The following SPTBN1 variants were observed in gnomAD, a reference collection of about 807,000 sequenced individuals.
SPTBN1 encodes spectrin beta chain, non-erythrocytic 1.
In SPTBN1, 32 loss-of-function variants were observed where a neutral mutation model predicts 266.4. The observed-to-expected ratio is 0.12, with a 90% CI of 0.09 to 0.16. SPTBN1 has a LOEUF of 0.16. Among genes scored for constraint, SPTBN1 ranks in the 10% least tolerant of loss-of-function variants. The pLI is 1.00. For missense variants in SPTBN1, 2,296 were observed against 3,067.1 expected (o/e 0.75, Z 5.94); for synonymous variants, 1,336 against 1,162.2 (o/e 1.15, Z -3.04).
chr2:54,620,288 A>T (rs949154678), intron 7 of SPTBN1, among the ~76,000 whole-genome samples: 5 of 152,236 alleles, frequency 3.3e-5, no homozygotes, highest in Admixed American at 1.3e-4. Flanking sequence ...CAAAGCCCCA[A>T]GGGAATAGAG....
Position 54,664,784 on chromosome 2 carries a change from T to C in SPTBN1, c.6659+93T>C, listed in dbSNP as rs1681269876. On this transcript the variant is annotated intron_variant, in intron 33 of 35. Transcript: ENST00000356805. This position sits in a 1 kb window ranked among gnomAD's most constrained non-coding sequence, Gnocchi z 5.6. The stretch of plus-strand genomic sequence containing the variant: ...CTTGAATTGGAAGAGAAGTATGTGC[T>C]CATGTAGTTTTATTCCTTTGGTAGC... 1.6e-6 allele frequency: 2 copies of C among 1,288,080 alleles called. No homozygotes were observed. The highest frequency in any genetic ancestry group is 2.2e-6 in the Non-Finnish European group (2 of 927,060). The allele number at this position is 1,288,080 out of a possible 1,614,324, so 79.8% of individuals were successfully genotyped here.
At chr2:54,586,395 T>G (rs772285298) in intron 2 of SPTBN1, among the ~76,000 whole-genome samples, 20 of 152,268 alleles carry the variant, frequency 1.3e-4, no homozygotes, top group Admixed American at 5.2e-4. Context: ...TATGTTCATT[T>G]ATTTTTAAAT....
rs957816510 is a variant in SPTBN1, at chr2:54,670,349, A to G, written c.*1780A>G. On this transcript the variant is annotated 3_prime_UTR_variant, in exon 36 of 36. Transcript: ENST00000356805. ...TATGTTGACTCCATGCCACTTGCAT[A>G]AAGCAGCAATGGATATTAGTATTAT... 4.9e-6 allele frequency: 1 copy of G among 203,314 alleles called. No individual in the cohort carries two copies. Among genetic ancestry groups the G allele is most frequent in the Admixed American group, 5.9e-5 (1 of 16,810 alleles). 12.6% of individuals were successfully genotyped at this position (203,314 alleles called of 1,614,324 possible).
chr2:54,507,872 A>G, intron 1 of SPTBN1, among the ~76,000 whole-genome samples: 1 of 151,890 alleles, frequency 6.6e-6, no homozygotes, highest in African/African-American at 2.4e-5. Context: ...AAAGCCAGCA[A>G]TTGTTTGTTA....
In SPTBN1 at chr2:54,554,087, T is replaced by G. The variant is rs969495909; in HGVS notation, c.148+27521T>G. On this transcript the variant is annotated intron_variant, in intron 2 of 35. Coordinates refer to ENST00000356805, the MANE Select transcript of SPTBN1 (RefSeq NM_003128.3). The surrounding 1 kb of genome is among the most constrained non-coding windows in gnomAD (Gnocchi z 4.5). ...AGCAGAGCATGTGCCTAATCCTGAC[T>G]CAAAACTAAATGTTGTAGAGGTTCG... Among the ~76,000 whole-genome samples, 3 of 152,212 alleles carry G rather than the reference T, an allele frequency of 2.0e-5. No homozygotes were observed. The East Asian group carries it at 5.8e-4, about 29-fold the overall frequency.
At chr2:54,486,745 A>G (rs1292816083) in intron 1 of SPTBN1, among the ~76,000 whole-genome samples, 2 of 152,036 alleles carry the variant, frequency 1.3e-5, no homozygotes, top group South Asian at 2.1e-4. Flanking sequence ...TTAAAAAAAA[A>G]AAAAGAAAAT....
chr2:54,626,361 G>A lies in SPTBN1; in HGVS notation c.1644+127G>A, dbSNP rs1678330678. On this transcript the variant is annotated intron_variant, in intron 12 of 35. Transcript: ENST00000356805. The surrounding 1 kb of genome is among the most constrained non-coding windows in gnomAD (Gnocchi z 4.7). ...CTAACTGCCCACATGTACAGCTAGA[G>A]AGGAGCCACATCACCCATGGGAAGA... 1.7e-6 allele frequency: 2 copies of A among 1,188,146 alleles called. No homozygotes were observed. The highest frequency in any genetic ancestry group is 3.1e-5 in the African/African-American group (2 of 64,522). 73.6% of individuals were successfully genotyped at this position (1,188,146 alleles called of 1,614,324 possible).
At chr2:54,624,668 G>A in intron 10 of SPTBN1, 136 bp from the exon 11 acceptor site, 2 of 1,305,692 alleles carry the variant, frequency 1.5e-6, no homozygotes, top group Non-Finnish European at 2.1e-6. Flanking sequence ...GAGAGTCAGT[G>A]AGAGTGGGAA....
intron 35 of SPTBN1, 127 bp from the exon 36 acceptor site, chr2:54,668,224 G>T: frequency 1.2e-6 from 1 of 808,186 alleles, no homozygotes; most frequent in Non-Finnish European, 2.0e-6. Flanking sequence ...GTGCATTTGG[G>T]GACAGTGCCC....
At chr2:54,472,934 A>G (rs984772809) in intron 1 of SPTBN1, among the ~76,000 whole-genome samples, 3 of 152,256 alleles carry the variant, frequency 2.0e-5, no homozygotes, top group South Asian at 4.1e-4. Context: ...CCAAGTTTCT[A>G]TACTAAAGGA....
intron 18 of SPTBN1, among the ~76,000 whole-genome samples, chr2:54,638,494 C>T (rs1679304889): frequency 6.6e-6 from 1 of 152,214 alleles, no homozygotes; most frequent in South Asian, 2.1e-4. Context: ...TTCCAAGCAC[C>T]AAGTTTTAAT....
chr2:54,557,644 G>A lies in SPTBN1; in HGVS notation c.148+31078G>A, dbSNP rs987128658. The stretch of plus-strand genomic sequence containing the variant: ...CCCTCCGGATCATAAACAACTCCAG[G>A]TCAGGGATCTCGGCGGTGTTTACCT... On this transcript the variant is annotated intron_variant, in intron 2 of 35. Transcript: ENST00000356805. 48 of 880,932 alleles carry A rather than the reference G, an allele frequency of 5.4e-5. No homozygotes were observed. In the African/African-American group the frequency reaches 7.3e-4, roughly 13 times the overall value. 54.6% of individuals were successfully genotyped at this position (880,932 alleles called of 1,614,324 possible).
intron 2 of SPTBN1, among the ~76,000 whole-genome samples, chr2:54,598,662 T>G (rs1676263632): frequency 6.6e-6 from 1 of 152,194 alleles, no homozygotes; most frequent in African/African-American, 2.4e-5. Flanking sequence ...GTAACATGTA[T>G]GTAGGAAGCT....
chr2:54,662,515 T>C (rs1681112790), intron 32 of SPTBN1: 1 of 172,294 alleles, frequency 5.8e-6, no homozygotes, highest in Non-Finnish European at 1.2e-5. Context: ...AACATCTCTC[T>C]ACCCAGGTCA....
intron 2 of SPTBN1, among the ~76,000 whole-genome samples, chr2:54,536,210 A>G (rs1671591314): frequency 6.6e-6 from 1 of 152,240 alleles, no homozygotes; most frequent in Admixed American, 6.5e-5. Context: ...AAGTACTATC[A>G]TAGGATGATA....
rs201234123 is a variant in SPTBN1 at position 54,526,380 on chromosome 2, G to T, written c.-39G>T. On this transcript the variant is annotated 5_prime_UTR_variant, in exon 2 of 36. Transcript: ENST00000356805. ...CCTTTTCTTTCTCATAGAACTCTAAGAAGGAGCTGATGTGGAGGAGCAGCT... is the reference window on the plus strand; with the variant it reads ...CCTTTTCTTTCTCATAGAACTCTAATAAGGAGCTGATGTGGAGGAGCAGCT... 2 of 1,609,290 alleles carry T rather than the reference G, an allele frequency of 1.2e-6. No homozygotes were observed. The highest frequency in any genetic ancestry group is 8.5e-7 in the Non-Finnish European group (1 of 1,177,540).
At position 54,554,560 on chromosome 2, in the gene SPTBN1, A is replaced by G. The variant is rs572814241; in HGVS notation, c.148+27994A>G. Among the ~76,000 whole-genome samples, 3 of 152,332 alleles carry G rather than the reference A, an allele frequency of 2.0e-5. No individual in the cohort carries two copies. In the South Asian group the frequency reaches 6.2e-4, roughly 32 times the overall value. On this transcript the variant is annotated intron_variant, in intron 2 of 35. Transcript: ENST00000356805. This position sits in a 1 kb window ranked among gnomAD's most constrained non-coding sequence, Gnocchi z 4.5. ...ATCACTAATACATTTAATACTAAAC[A>G]TTCCAGAAGGAATTTTTTATGACCA... is the stretch of plus-strand genomic sequence containing the variant.
chr2:54,514,310 G>A (rs956488742), intron 1 of SPTBN1, among the ~76,000 whole-genome samples: 6 of 152,098 alleles, frequency 3.9e-5, no homozygotes, highest in Non-Finnish European at 7.4e-5. Context: ...TATTTCCCAC[G>A]AGTGAAATCT....
chr2:54,525,050 C>G (rs1161300357), intron 1 of SPTBN1, among the ~76,000 whole-genome samples: 1 of 152,152 alleles, frequency 6.6e-6, no homozygotes, highest in African/African-American at 2.4e-5. Context: ...TTATTGCGTT[C>G]ATTTTTATCC....
Sources: allele counts gnomAD v4.1 joint callset (sites outside exome capture counted in the v4.1 genomes callset), GRCh38; gene constraint gnomAD v4.1.1; non-coding constraint Gnocchi (gnomAD v3.1); transcripts MANE v1.5; gene names NCBI Gene and HGNC (gene_info 2026-07-23, HGNC 2026-07-21).